ROS1: variants seen among roughly 807,000 people sequenced by gnomAD.
ROS1 encodes ROS proto-oncogene 1, receptor tyrosine kinase, also known as proto-oncogene tyrosine-protein kinase ROS.
In ROS1, 263 loss-of-function variants were observed where a neutral mutation model predicts 273.5. The observed-to-expected ratio is 0.96, with a 90% CI of 0.87 to 1.06. ROS1 has a LOEUF of 1.06. Ranked by LOEUF, ROS1 falls within the 50% of genes least tolerant of loss-of-function variation. The pLI, the probability that ROS1 is intolerant of heterozygous loss-of-function variation, is 0.00. For synonymous variants in ROS1, 1,008 were observed against 954.1 expected (o/e 1.06, Z -1.04); for missense variants, 2,833 against 2,751.1 (o/e 1.03, Z -0.67).
chr6:117,315,839 C>T (rs969561133), intron 39 of ROS1, among the ~76,000 whole-genome samples: 1 of 152,006 alleles, frequency 6.6e-6, no homozygotes, highest in East Asian at 1.9e-4. Flanking sequence ...ACACTGCTTC[C>T]AGGAAGGAAG....
At chr6:117,384,503 C>T (rs907284923) in intron 16 of ROS1, among the ~76,000 whole-genome samples, 9 of 152,118 alleles carry the variant, frequency 5.9e-5, no homozygotes, top group African/African-American at 1.4e-4. Context: ...AGGATTTCAA[C>T]GCATTGGTAG....
chr6:117,311,244 T>G, intron 39 of ROS1, 127 bp from the exon 40 acceptor site: 2 of 470,864 alleles, frequency 4.2e-6, no homozygotes, highest in Non-Finnish European at 7.4e-6. Flanking sequence ...TTTAAAGGGA[T>G]TTTTAGTTAT....
chr6:117,379,283 T>C, intron 17 of ROS1, 124 bp from the exon 18 acceptor site: 1 of 613,730 alleles, frequency 1.6e-6, no homozygotes, highest in Admixed American at 3.1e-5. Flanking sequence ...AATTCAGTAA[T>C]TTTTACTTTT....
At chr6:117,403,642 C>T (rs1774137650) in intron 6 of ROS1, among the ~76,000 whole-genome samples, 2 of 152,056 alleles carry the variant, frequency 1.3e-5, no homozygotes, top group Non-Finnish European at 2.9e-5. Flanking sequence ...CTACAACCCC[C>T]ATGAGAATCT....
chr6:117,327,888 C>T (rs1776759208), intron 33 of ROS1, among the ~76,000 whole-genome samples: 1 of 152,110 alleles, frequency 6.6e-6, no homozygotes, highest in African/African-American at 2.4e-5. Flanking sequence ...GTGATGATGA[C>T]AGTGATGCAC....
intron 1 of ROS1, among the ~76,000 whole-genome samples, chr6:117,420,113 C>T (rs1174075662): frequency 1.3e-5 from 2 of 152,020 alleles, no homozygotes; most frequent in African/African-American, 4.8e-5. Context: ...CATTTTACAG[C>T]TGGGGCACAG....
intron 14 of ROS1, among the ~76,000 whole-genome samples, 174 bp downstream of exon 14, chr6:117,387,606 T>C (rs531153570): frequency 3.3e-5 from 5 of 152,204 alleles, no homozygotes; most frequent in Admixed American, 6.5e-5. Flanking sequence ...TTATTTGCTT[T>C]CCTAATCTCA....
At chr6:117,329,476 A>G in intron 32 of ROS1, 30 bp from the exon 33 acceptor site, 1 of 1,025,432 alleles carries the variant, frequency 9.8e-7, no homozygotes, top group Middle Eastern at 2.1e-4. Flanking sequence ...ATATTGGTTG[A>G]TATGTTTGAA....
chr6:117,348,776 T>A (rs1224151688), intron 27 of ROS1, among the ~76,000 whole-genome samples: 1 of 151,978 alleles, frequency 6.6e-6, no homozygotes, highest in African/African-American at 2.4e-5. Flanking sequence ...TTCCCGTAAG[T>A]TTTGATGTTT....
chr6:117,387,861 A>G lies in ROS1; in HGVS notation c.1918T>C (p.Tyr640His). 1.2e-6 allele frequency: 2 copies of G among 1,614,112 alleles called. No individual in the cohort carries two copies. Among genetic ancestry groups the G allele is most frequent in the Non-Finnish European group, 1.7e-6 (2 of 1,179,998 alleles). Residue 640 changes from tyrosine (Y) to histidine (H), a missense_variant, in exon 14 of 44, where the codon TAC (tyrosine) becomes CAC (histidine). Tyr to His is a moderately conservative substitution (Grantham distance 83, BLOSUM62 2). Coordinates refer to ENST00000368507, the MANE Select transcript of ROS1 (RefSeq NM_001378902.1). ...GAACTTGCTCTCACAGAAACCTTGT[A>G]TTTCATAGCACTCTGCAGCTCAGGT... is the stretch of plus-strand genomic sequence containing the variant. ...NVPELQSAMK[Y>H]KVSVRASSPK...
rs1305515541 is a variant in ROS1, at chr6:117,389,749, T to C, written c.1387A>G (p.Thr463Ala). 1 of 1,614,054 alleles carries C rather than the reference T, an allele frequency of 6.2e-7. No homozygotes were observed. Among genetic ancestry groups the C allele is most frequent in the Non-Finnish European group, 8.5e-7 (1 of 1,180,028 alleles). Residue 463 changes from threonine (T) to alanine (A), a missense_variant, in exon 13 of 44, where the codon ACG (threonine) becomes GCG (alanine). By Grantham distance (58) the Thr-to-Ala change is moderately conservative. Coordinates refer to ENST00000368507, the MANE Select transcript of ROS1 (RefSeq NM_001378902.1). The stretch of plus-strand genomic sequence containing the variant: ...GGCTTGATTGCAAAGTCCTTTAACG[T>C]GCAACTCTCCACAATACGCACAGCT... ...AEAVRIVESC[T>A]LKDFAIKPQA...
At chr6:117,383,197 A>T in intron 17 of ROS1, 120 bp downstream of exon 17, 1 of 754,552 alleles carries the variant, frequency 1.3e-6, no homozygotes, top group Non-Finnish European at 2.0e-6. Context: ...CCAAGATCTT[A>T]CCAAAACACT....
At chr6:117,315,597 T>C (rs1390129161) in intron 39 of ROS1, among the ~76,000 whole-genome samples, 5 of 151,980 alleles carry the variant, frequency 3.3e-5, no homozygotes, top group Non-Finnish European at 7.4e-5. Flanking sequence ...AACCTAAAAG[T>C]CCAACCAAAT....
chr6:117,299,581 G>C (rs1446924098), intron 43 of ROS1: 1 of 152,190 alleles, frequency 6.6e-6, no homozygotes, highest in Non-Finnish European at 1.5e-5. Context: ...CAAGGTAAAG[G>C]TGTCTCCTGC....
chr6:117,408,235 C>T (rs1459438264), intron 5 of ROS1, among the ~76,000 whole-genome samples: 1 of 151,766 alleles, frequency 6.6e-6, no homozygotes, highest in East Asian at 1.9e-4. Context: ...AACTAAAGAG[C>T]TTCTGCACAG....
intron 42 of ROS1, among the ~76,000 whole-genome samples, chr6:117,308,139 T>C (rs1775252494): frequency 6.6e-6 from 1 of 152,160 alleles, no homozygotes; most frequent in African/African-American, 2.4e-5. Context: ...GCTGATACTT[T>C]CCACAAGGAG....
chr6:117,318,703 G>T (rs1453338930), intron 37 of ROS1, among the ~76,000 whole-genome samples: 2 of 152,082 alleles, frequency 1.3e-5, no homozygotes, highest in Non-Finnish European at 2.9e-5. Context: ...ATATAACTCG[G>T]TGATGGTCAA....
rs188601869 is a variant in ROS1 at position 117,388,083 on chromosome 6, C to T, written c.1787-91G>A. The T allele has an allele frequency of 6.1e-5, 96 of 1,579,150 alleles. 1 individual carries two copies. In the East Asian group the frequency reaches 2.1e-3, roughly 34 times the overall value. On this transcript the variant is annotated intron_variant, in intron 13 of 43. Transcript: ENST00000368507. ...TCCATAAATTCACCTACAGCCTCAT[C>T]TCAAATGGGAGAGCAATTGGGCAGT...
chr6:117,359,715 G>C, intron 24 of ROS1, 94 bp downstream of exon 24: 1 of 981,530 alleles, frequency 1.0e-6, no homozygotes, highest in Non-Finnish European at 1.6e-6. Context: ...TAATCTTAAT[G>C]ACTAAACCGT....
Sources: allele counts gnomAD v4.1 joint callset (sites outside exome capture counted in the v4.1 genomes callset), GRCh38; gene constraint gnomAD v4.1.1; transcripts MANE v1.5; gene names NCBI Gene and HGNC (gene_info 2026-07-23, HGNC 2026-07-21).